The following DCLK1 variants were observed in gnomAD, a reference collection of about 807,000 sequenced individuals.
The protein encoded by DCLK1 is doublecortin like kinase 1.
In DCLK1, 16 loss-of-function variants were observed where a neutral mutation model predicts 86.2. The observed-to-expected ratio is 0.19, with a 90% CI of 0.13 to 0.28. DCLK1 has a LOEUF of 0.28. Ranked by LOEUF, DCLK1 falls within the 10% of genes least tolerant of loss-of-function variation. DCLK1 has a pLI of 1.00. For missense variants in DCLK1, 590 were observed against 940.2 expected, an observed-to-expected ratio of 0.63 and a Z score of 4.87; for synonymous variants, 369 against 370.5, an observed-to-expected ratio of 1.00 and a Z score of 0.05.
intron 6 of DCLK1, among the ~76,000 whole-genome samples, chr13:35,845,688 A>G (rs899430733): frequency 6.6e-6 from 1 of 152,210 alleles, no homozygotes; most frequent in African/African-American, 2.4e-5. Context: ...TTTTCATCAA[A>G]TAATCTTATT....
intron 4 of DCLK1, among the ~76,000 whole-genome samples, chr13:35,879,759 C>T (rs1406189938): frequency 6.6e-6 from 1 of 152,182 alleles, no homozygotes; most frequent in African/African-American, 2.4e-5. Flanking sequence ...CCTTGTTCTA[C>T]CAGAACTTAA....
chr13:35,817,627 A>G (rs1249651213), intron 11 of DCLK1, among the ~76,000 whole-genome samples: 2 of 152,178 alleles, frequency 1.3e-5, no homozygotes, highest in Non-Finnish European at 2.9e-5. Flanking sequence ...TTTGATGAGA[A>G]TCACCATGCC....
intron 3 of DCLK1, among the ~76,000 whole-genome samples, chr13:36,041,320 G>A (rs985129218): frequency 1.3e-5 from 2 of 152,114 alleles, no homozygotes; most frequent in African/African-American, 4.8e-5. Flanking sequence ...GTGAGTACCT[G>A]GCTTCCACCA....
intron 15 of DCLK1, 23 bp downstream of exon 15, chr13:35,805,676 A>G: frequency 6.2e-7 from 1 of 1,603,776 alleles, no homozygotes; most frequent in South Asian, 1.1e-5. Context: ...GAGAGAACAA[A>G]GGAAATGGTG....
chr13:35,877,349 T>C (rs2153115804), intron 4 of DCLK1, among the ~76,000 whole-genome samples: 1 of 152,260 alleles, frequency 6.6e-6, no homozygotes, highest in South Asian at 2.1e-4. Flanking sequence ...GTAGGTAGGC[T>C]GAAGTGTTAT....
intron 6 of DCLK1, among the ~76,000 whole-genome samples, chr13:35,851,275 G>A (rs1200141174): frequency 2.0e-5 from 3 of 152,120 alleles, no homozygotes; most frequent in Non-Finnish European, 4.4e-5. Context: ...TATTATGTTT[G>A]GATGACAGAA....
chr13:35,789,566 G>C (rs942177612), intron 16 of DCLK1, among the ~76,000 whole-genome samples: 2 of 152,156 alleles, frequency 1.3e-5, no homozygotes, highest in Admixed American at 6.5e-5. Context: ...AAGCTTCCCA[G>C]TGTCACAATT....
chr13:36,022,835 T>G (rs1350567852), intron 3 of DCLK1, among the ~76,000 whole-genome samples: 2 of 152,058 alleles, frequency 1.3e-5, no homozygotes, highest in Non-Finnish European at 2.9e-5. Flanking sequence ...GTAAAGAAAA[T>G]GAACAACAAT....
chr13:35,997,207 ATCT>A (rs1310914883), intron 3 of DCLK1, among the ~76,000 whole-genome samples: 1 of 152,224 alleles, frequency 6.6e-6, no homozygotes, highest in Non-Finnish European at 1.5e-5. Flanking sequence ...TAATCTCGTG[ATCT>A]TCTCCACTGA....
intron 16 of DCLK1, among the ~76,000 whole-genome samples, chr13:35,789,278 CA>C (rs1448663801): frequency 1.3e-5 from 2 of 152,176 alleles, no homozygotes; most frequent in Non-Finnish European, 2.9e-5. Context: ...AAAGGCATTT[CA>C]AAAACATGCC....
intron 3 of DCLK1, among the ~76,000 whole-genome samples, chr13:35,991,940 G>GA (rs1371336460): frequency 2.0e-5 from 3 of 151,994 alleles, no homozygotes; most frequent in African/African-American, 7.3e-5. Flanking sequence ...CTAATGCCTG[G>GA]AAAGTGCCAC....
chr13:35,865,790 C>CAG (rs1243730620), intron 5 of DCLK1, among the ~76,000 whole-genome samples: 1 of 152,176 alleles, frequency 6.6e-6, no homozygotes, highest in Non-Finnish European at 1.5e-5. Context: ...GGAAGACTTA[C>CAG]AGAGGATTCC....
chr13:36,123,783 T>C (rs1194337742), intron 2 of DCLK1, among the ~76,000 whole-genome samples: 3 of 152,272 alleles, frequency 2.0e-5, no homozygotes, highest in African/African-American at 4.8e-5. Context: ...GCTCAATAAC[T>C]GAGAGCTATC....
intron 3 of DCLK1, among the ~76,000 whole-genome samples, chr13:36,105,683 T>C (rs1305411235): frequency 6.6e-6 from 1 of 152,214 alleles, no homozygotes; most frequent in East Asian, 1.9e-4. Context: ...AAATTCAATA[T>C]ACAGAAATTT....
chr13:36,039,206 C>T (rs1264225577), intron 3 of DCLK1, among the ~76,000 whole-genome samples: 1 of 152,178 alleles, frequency 6.6e-6, no homozygotes, highest in Admixed American at 6.5e-5. Flanking sequence ...ATCTCAACAA[C>T]TGATAAGGCT....
Position 35,768,838 on chromosome 13 carries a change from A to C in DCLK1, c.*5697T>G, listed in dbSNP as rs1405434286. The C allele has an allele frequency of 1.3e-5, 2 of 152,232 alleles. No individual in the cohort carries two copies. Among genetic ancestry groups the C allele is most frequent in the African/African-American group, 4.8e-5 (2 of 41,464 alleles). The allele number at this position is 152,232 out of a possible 1,614,324, so 9.4% of individuals were successfully genotyped here. On this transcript the variant is annotated 3_prime_UTR_variant, in exon 17 of 17. Coordinates refer to ENST00000360631, the MANE Select transcript of DCLK1 (RefSeq NM_001330071.2). ...GACTAATTTTTAAAGCCTTGCATAG[A>C]GAGAATTCCCCCTAAGAACACAGCT...
chr13:36,095,643 C>T (rs1884987999), intron 3 of DCLK1, among the ~76,000 whole-genome samples: 1 of 152,140 alleles, frequency 6.6e-6, no homozygotes, highest in Non-Finnish European at 1.5e-5. Flanking sequence ...ATAAATTCCA[C>T]CACCCCTTCC....
At chr13:35,910,132 A>C (rs1874927621) in intron 4 of DCLK1, among the ~76,000 whole-genome samples, 1 of 152,196 alleles carries the variant, frequency 6.6e-6, no homozygotes, top group African/African-American at 2.4e-5. Context: ...TCAAGGAGAC[A>C]AAACAGGACC....
At position 35,986,328 on chromosome 13, in the gene DCLK1, A is replaced by G. The variant is rs939256848; in HGVS notation, c.724-38871T>C. On this transcript the variant is annotated intron_variant, in intron 3 of 16. Coordinates refer to ENST00000360631, the MANE Select transcript of DCLK1 (RefSeq NM_001330071.2). ...AAAAAAAAAAAAAAAAAAAAAAAAA[A>G]GGCCAATGAAGCAGCATTATCCCTG... Among the ~76,000 whole-genome samples, 12 of 125,058 alleles carry G rather than the reference A, an allele frequency of 9.6e-5. No individual in the cohort carries two copies. The East Asian group carries it at 2.7e-3, about 28-fold the overall frequency. 82.0% of individuals were successfully genotyped at this position (125,058 alleles called of 152,430 possible).
Sources: gnomAD v4.1 joint callset for allele counts (sites outside exome capture counted in the v4.1 genomes callset) on GRCh38, gnomAD v4.1.1 for gene constraint, MANE v1.5 for transcripts, NCBI Gene and HGNC (gene_info 2026-07-23, HGNC 2026-07-21) for gene names.